Variants in GPHN observed in about 807,000 individuals in gnomAD.
The protein encoded by GPHN is gephyrin.
A neutral mutation model predicts 95.5 loss-of-function variants in GPHN; 17 were observed. That is an observed-to-expected ratio of 0.18 (90% CI 0.12 to 0.27). The LOEUF (loss-of-function observed/expected upper bound fraction) is 0.27. GPHN is among the 10% of genes least tolerant of loss of function. The pLI is 1.00. For synonymous variants in GPHN, 320 were observed against 322.5 expected (o/e 0.99, Z 0.08); for missense variants, 660 against 978.1 (o/e 0.67, Z 4.34).
the GPHN span, chr14:67,647,022 G>T: frequency 3.1e-6 from 5 of 1,602,630 alleles, no homozygotes; most frequent in Middle Eastern, 1.6e-4. Context: ...CTGCTGATTG[G>T]CAAGTAAGTA....
the GPHN span, among the ~76,000 whole-genome samples, chr14:67,378,274 A>T: frequency 6.8e-6 from 1 of 147,716 alleles, no homozygotes; most frequent in Non-Finnish European, 1.5e-5. Context: ...AAGCCAACTC[A>T]TCTGGGGTTC....
At chr14:66,536,252 G>A (rs906739475) in intron 1 of GPHN, among the ~76,000 whole-genome samples, 4 of 152,092 alleles carry the variant, frequency 2.6e-5, no homozygotes, top group African/African-American at 7.2e-5. Flanking sequence ...CGCCCAGTCT[G>A]ATAGTTTTCT....
the GPHN span, among the ~76,000 whole-genome samples, chr14:67,659,488 A>C: frequency 6.6e-6 from 1 of 152,056 alleles, no homozygotes; most frequent in South Asian, 2.1e-4. Context: ...TTTTATTATA[A>C]GACTGTATTA....
intron 5 of GPHN, among the ~76,000 whole-genome samples, chr14:66,882,507 T>C (rs1008625520): frequency 4.6e-5 from 7 of 151,964 alleles, no homozygotes; most frequent in Admixed American, 3.3e-4. Flanking sequence ...TGGGAGATAT[T>C]ATGAAGTAAT....
At chr14:67,244,244 T>C in the GPHN span, among the ~76,000 whole-genome samples, 1 of 152,264 alleles carries the variant, frequency 6.6e-6, no homozygotes, top group Non-Finnish European at 1.5e-5. Context: ...GTGGACGCTT[T>C]CCTAGAATGT....
At chr14:67,572,769 G>A in the GPHN span, among the ~76,000 whole-genome samples, 2 of 152,062 alleles carry the variant, frequency 1.3e-5, no homozygotes, top group East Asian at 1.9e-4. Flanking sequence ...ATGTAATTCC[G>A]CATCCCTCGC....
the GPHN span, among the ~76,000 whole-genome samples, chr14:67,536,971 C>T: frequency 5.3e-5 from 8 of 150,728 alleles, no homozygotes; most frequent in Admixed American, 6.6e-5. Context: ...ACCTGAGAGG[C>T]GGAGGTTGCA....
At chr14:67,374,356 A>G in the GPHN span, 3 of 548,278 alleles carry the variant, frequency 5.5e-6, no homozygotes, top group Non-Finnish European at 6.4e-6. Flanking sequence ...GGATTTTAGT[A>G]GGAAATAATT....
At chr14:67,275,163 AG>A in the GPHN span, among the ~76,000 whole-genome samples, 1 of 152,312 alleles carries the variant, frequency 6.6e-6, no homozygotes, top group East Asian at 1.9e-4. Flanking sequence ...TGTGTTGAAT[AG>A]GAGTGGTGAG....
chr14:67,074,891 A>G (rs1156931844), intron 11 of GPHN, among the ~76,000 whole-genome samples: 1 of 152,220 alleles, frequency 6.6e-6, no homozygotes, highest in Admixed American at 6.5e-5. Context: ...GACAGAATAC[A>G]TCTCCATAAT....
the GPHN span, chr14:67,586,851 G>C: frequency 6.7e-7 from 1 of 1,503,098 alleles, no homozygotes; most frequent in Non-Finnish European, 8.9e-7. Context: ...TTCTCAGAAG[G>C]GCACTGTGCA....
chr14:67,448,120 CTTTTTTTTTTTTTTTT>C, the GPHN span, among the ~76,000 whole-genome samples: 31 of 36,078 alleles, frequency 8.6e-4, no homozygotes, highest in African/African-American at 1.6e-3. Flanking sequence ...ATAGCCCATT[CTTTTTTTTTTTTTTTT>C]TTTTTTTTTT....
the GPHN span, among the ~76,000 whole-genome samples, chr14:67,439,569 C>CTTTT: frequency 4.3e-5 from 6 of 138,708 alleles, no homozygotes; most frequent in African/African-American, 1.9e-4. Context: ...TTCTTTCTTT[C>CTTTT]TTTCTTTCTT....
chr14:67,259,809 G>T, the GPHN span, among the ~76,000 whole-genome samples: 1 of 151,712 alleles, frequency 6.6e-6, no homozygotes, highest in African/African-American at 2.4e-5. Flanking sequence ...CTACTTGGGA[G>T]GCTGAAGCAG....
At chr14:67,157,836 G>T (rs2081695672) in intron 18 of GPHN, among the ~76,000 whole-genome samples, 1 of 148,814 alleles carries the variant, frequency 6.7e-6, no homozygotes. Context: ...TCAAGAAGAA[G>T]AGAGAAAGAG....
At chr14:66,553,594 T>C (rs575533174) in intron 1 of GPHN, among the ~76,000 whole-genome samples, 1 of 152,122 alleles carries the variant, frequency 6.6e-6, no homozygotes, top group Admixed American at 6.5e-5. Flanking sequence ...CTTTTTTTTT[T>C]TGAGCCAGAG....
At chr14:67,393,413 TTGAAG>T in the GPHN span, among the ~76,000 whole-genome samples, 2 of 152,190 alleles carry the variant, frequency 1.3e-5, no homozygotes, top group Non-Finnish European at 2.9e-5. Context: ...TGATGCCATC[TTGAAG>T]TGAAGCCGCC....
chr14:66,602,493 T>G (rs1198493015), intron 1 of GPHN, among the ~76,000 whole-genome samples: 1 of 152,032 alleles, frequency 6.6e-6, no homozygotes, highest in Non-Finnish European at 1.5e-5. Context: ...CCTATTCTGT[T>G]TCAGCACCAG....
At chr14:66,930,974 T>C (rs2153566227) in intron 8 of GPHN, among the ~76,000 whole-genome samples, 1 of 152,344 alleles carries the variant, frequency 6.6e-6, no homozygotes, top group Middle Eastern at 3.4e-3. Context: ...ATTTCTTATT[T>C]CTCTTTAATA....
Sources: allele counts gnomAD v4.1 joint callset (sites outside exome capture counted in the v4.1 genomes callset), GRCh38; gene constraint gnomAD v4.1.1; transcripts MANE v1.5; gene names NCBI Gene and HGNC (gene_info 2026-07-23, HGNC 2026-07-21).